Variants in VWA8 observed in about 807,000 individuals in gnomAD.
VWA8 encodes von Willebrand factor A domain containing 8.
In VWA8, 221 loss-of-function variants were observed where a neutral mutation model predicts 241.5. That is an observed-to-expected ratio of 0.91 (90% CI 0.82 to 1.02). The LOEUF (loss-of-function observed/expected upper bound fraction) is 1.02. VWA8 is among the 50% of genes least tolerant of loss of function. The pLI is 0.00. For missense variants in VWA8, 2,322 were observed against 2,328.7 expected (o/e 1.00, Z 0.06); for synonymous variants, 852 against 827.1 (o/e 1.03, Z -0.52).
chr13:41,923,289 G>A (rs1876650083), intron 2 of VWA8, among the ~76,000 whole-genome samples: 1 of 152,096 alleles, frequency 6.6e-6, no homozygotes, highest in Admixed American at 6.5e-5. Flanking sequence ...TTGCCGTGGG[G>A]TGGGGGGAGC....
chr13:41,734,272 G>C (rs1465008732), intron 21 of VWA8, among the ~76,000 whole-genome samples: 2 of 152,074 alleles, frequency 1.3e-5, no homozygotes, highest in South Asian at 4.1e-4. Context: ...TGGGAGGCGG[G>C]GGTTGCAGTG....
At chr13:41,913,469 A>T (rs1876107584) in intron 2 of VWA8, among the ~76,000 whole-genome samples, 1 of 152,182 alleles carries the variant, frequency 6.6e-6, no homozygotes, top group African/African-American at 2.4e-5. Flanking sequence ...CACGTGCTAA[A>T]CTTTGTTTAA....
At chr13:41,599,576 G>A (rs1345809722) in intron 40 of VWA8, among the ~76,000 whole-genome samples, 3 of 151,994 alleles carry the variant, frequency 2.0e-5, no homozygotes, top group African/African-American at 7.2e-5. Context: ...CAAAACTGTT[G>A]AGGAACAGAT....
chr13:41,793,813 T>C (rs1869564190), intron 17 of VWA8, among the ~76,000 whole-genome samples: 2 of 152,080 alleles, frequency 1.3e-5, no homozygotes, highest in South Asian at 2.1e-4. Context: ...AGACTCCATC[T>C]CAAAAAAAAT....
At chr13:41,666,287 T>C (rs964669108) in intron 37 of VWA8, among the ~76,000 whole-genome samples, 3 of 152,162 alleles carry the variant, frequency 2.0e-5, no homozygotes, top group Admixed American at 6.6e-5. Context: ...GTATGGCCAA[T>C]TGGTTACTGG....
rs78386505 is a variant in VWA8, at chr13:41,897,083, C to T, written c.484-5496G>A. 5.4e-3 allele frequency among the ~76,000 whole-genome samples: 829 copies of T among 152,196 alleles called. 13 individuals are homozygous for T. The highest frequency in any genetic ancestry group is 0.019 in the African/African-American group (795 of 41,532). ...GATATTAAAAATAATGATATAGCTC[C>T]ATCTTTACCTGTGAAAAGGCCCACA... On this transcript the variant is annotated intron_variant, in intron 4 of 44. Transcript: ENST00000379310.
At chr13:41,617,931 T>C (rs1206142981) in intron 37 of VWA8, among the ~76,000 whole-genome samples, 3 of 151,976 alleles carry the variant, frequency 2.0e-5, no homozygotes, top group Admixed American at 6.5e-5. Flanking sequence ...AGTGCCGCAA[T>C]AAACATACGT....
At chr13:41,808,598 G>A (rs1329530150) in intron 17 of VWA8, among the ~76,000 whole-genome samples, 2 of 152,082 alleles carry the variant, frequency 1.3e-5, no homozygotes, top group Non-Finnish European at 1.5e-5. Flanking sequence ...CAACACTGGG[G>A]ATTAGAATTA....
intron 36 of VWA8, among the ~76,000 whole-genome samples, chr13:41,671,753 G>C (rs2045026262): frequency 6.6e-6 from 1 of 152,122 alleles, no homozygotes; most frequent in Admixed American, 6.6e-5. Context: ...CCCCATTCAT[G>C]TTAGGATACA....
chr13:41,887,540 G>A (rs868191079), intron 5 of VWA8, among the ~76,000 whole-genome samples, 179 bp from the exon 6 acceptor site: 2 of 152,260 alleles, frequency 1.3e-5, no homozygotes, highest in African/African-American at 2.4e-5. Context: ...GCCAGGGCAG[G>A]CTCACAACAT....
At chr13:41,788,474 C>CA (rs775868013) in intron 17 of VWA8, among the ~76,000 whole-genome samples, 10 of 152,236 alleles carry the variant, frequency 6.6e-5, no homozygotes, top group Admixed American at 3.3e-4. Flanking sequence ...ATATATCTGA[C>CA]ATTATTATCT....
At chr13:41,883,540 A>G in intron 8 of VWA8, 49 bp from the exon 9 acceptor site, 1 of 1,372,836 alleles carries the variant, frequency 7.3e-7, no homozygotes, top group Middle Eastern at 1.8e-4. Flanking sequence ...CAAAATAATC[A>G]CAGAAAACAT....
intron 26 of VWA8, among the ~76,000 whole-genome samples, chr13:41,714,279 C>A (rs2045335407): frequency 6.6e-6 from 1 of 151,768 alleles, no homozygotes; most frequent in Non-Finnish European, 1.5e-5. Flanking sequence ...GACAAATAGG[C>A]ATTGAATGCT....
intron 27 of VWA8, among the ~76,000 whole-genome samples, chr13:41,702,116 A>T (rs964489492): frequency 2.6e-5 from 4 of 152,220 alleles, no homozygotes; most frequent in Non-Finnish European, 5.9e-5. Flanking sequence ...TAAGCAGAGG[A>T]GCTAATTTAA....
chr13:41,642,227 G>C (rs2044800205), intron 37 of VWA8, among the ~76,000 whole-genome samples: 1 of 152,158 alleles, frequency 6.6e-6, no homozygotes, highest in Admixed American at 6.5e-5. Context: ...AAGCATACAT[G>C]CTTGCCTATA....
At chr13:41,911,360 G>A (rs1051632427) in intron 3 of VWA8, among the ~76,000 whole-genome samples, 3 of 152,116 alleles carry the variant, frequency 2.0e-5, no homozygotes, top group Non-Finnish European at 4.4e-5. Context: ...CACTGTGCCT[G>A]GTCAAGACTT....
chr13:41,642,411 T>C (rs943978016), intron 37 of VWA8, among the ~76,000 whole-genome samples: 1 of 150,844 alleles, frequency 6.6e-6, no homozygotes, highest in East Asian at 2.0e-4. Context: ...CACAAAAAAT[T>C]AGCCAGGCAT....
intron 8 of VWA8, 44 bp downstream of exon 8, chr13:41,885,876 T>G (rs531907966): frequency 7.8e-6 from 11 of 1,401,284 alleles, no homozygotes; most frequent in African/African-American, 5.9e-5. Context: ...TTTCAAAATT[T>G]TTAACATATT....
At chr13:41,822,465 T>C (rs370116835) in intron 14 of VWA8, among the ~76,000 whole-genome samples, 419 of 152,296 alleles carry the variant, frequency 2.8e-3, no homozygotes, top group African/African-American at 8.5e-3. Flanking sequence ...TCCTTATGCA[T>C]CTTTTTATCA....
Sources: gnomAD v4.1 joint callset for allele counts (sites outside exome capture counted in the v4.1 genomes callset) on GRCh38, gnomAD v4.1.1 for gene constraint, MANE v1.5 for transcripts, NCBI Gene and HGNC (gene_info 2026-07-23, HGNC 2026-07-21) for gene names.